Variants in RAPGEF6 observed in about 807,000 individuals in gnomAD.
RAPGEF6 encodes the protein PDZ domain containing guanine nucleotide exchange factor (GEF) 2.
RAPGEF6 carries 56 observed loss-of-function variants against 171.4 expected under a neutral mutation model. That is an observed-to-expected ratio of 0.33 (90% CI 0.26 to 0.41). RAPGEF6 has a LOEUF of 0.41. Ranked by LOEUF, RAPGEF6 falls within the 10% of genes least tolerant of loss-of-function variation. The pLI, the probability that RAPGEF6 is intolerant of heterozygous loss-of-function variation, is 1.00. For synonymous variants in RAPGEF6, 692 were observed against 650.1 expected, an observed-to-expected ratio of 1.06 and a Z score of -0.98; for missense variants, 1,674 against 1,921.4, an observed-to-expected ratio of 0.87 and a Z score of 2.41.
chr5:131,549,347 G>T (rs1760762435), intron 5 of RAPGEF6, among the ~76,000 whole-genome samples: 1 of 151,662 alleles, frequency 6.6e-6, no homozygotes, highest in Non-Finnish European at 1.5e-5. Context: ...AAATTTCCTA[G>T]GCACCCACCC....
intron 6 of RAPGEF6, 117 bp downstream of exon 6, chr5:131,547,930 C>A (rs965276087): frequency 2.8e-6 from 3 of 1,082,350 alleles, no homozygotes; most frequent in South Asian, 1.6e-5. Context: ...TATTTACCTG[C>A]CCCAAATTTT....
rs76886098 is a variant in RAPGEF6 at position 131,591,227 on chromosome 5, C to T, written c.281+1156G>A. Among the ~76,000 whole-genome samples, 148 of 152,222 alleles carry T rather than the reference C, an allele frequency of 9.7e-4. No individual in the cohort carries two copies. The East Asian group carries it at 0.015, about 16-fold the overall frequency. ...TCTTACTTTAAAAGCCTAGAAATTT[C>T]TTCTCAACATTTTGGGAAAAAAGTC... On this transcript the variant is annotated intron_variant, in intron 4 of 27. Coordinates refer to ENST00000509018, the MANE Select transcript of RAPGEF6 (RefSeq NM_016340.6).
intron 6 of RAPGEF6, among the ~76,000 whole-genome samples, chr5:131,533,990 C>T (rs900620511): frequency 2.0e-5 from 3 of 152,080 alleles, no homozygotes; most frequent in African/African-American, 7.2e-5. Context: ...TTAGATACTC[C>T]AACTAAGCTT....
chr5:131,463,528 G>C (rs2149836782), intron 18 of RAPGEF6: 1 of 257,424 alleles, frequency 3.9e-6, no homozygotes, highest in South Asian at 1.5e-4. Flanking sequence ...GCAGTGAGCT[G>C]AGATCGCGCC....
intron 25 of RAPGEF6, among the ~76,000 whole-genome samples, chr5:131,432,631 T>G (rs1209017728): frequency 6.7e-6 from 1 of 149,406 alleles, no homozygotes; most frequent in Non-Finnish European, 1.5e-5. Context: ...AGAGCGAGAC[T>G]CCGCCTTAAA....
At chr5:131,556,261 G>A (rs1761230825) in intron 5 of RAPGEF6, among the ~76,000 whole-genome samples, 1 of 152,154 alleles carries the variant, frequency 6.6e-6, no homozygotes, top group Non-Finnish European at 1.5e-5. Context: ...CCAACATGGT[G>A]AAACTCATCT....
intron 6 of RAPGEF6, among the ~76,000 whole-genome samples, chr5:131,544,394 C>T (rs978194052): frequency 3.3e-5 from 5 of 151,940 alleles, no homozygotes; most frequent in South Asian, 4.1e-4. Context: ...TTGATGCACA[C>T]GACAGGGAAA....
chr5:131,511,815 G>A (rs1303359192), intron 7 of RAPGEF6, among the ~76,000 whole-genome samples: 1 of 152,008 alleles, frequency 6.6e-6, no homozygotes, highest in Admixed American at 6.6e-5. Flanking sequence ...TCCTTCTTTT[G>A]AGGACTACCT....
chr5:131,628,227 CA>C (rs1342213230), intron 1 of RAPGEF6, among the ~76,000 whole-genome samples: 1 of 150,310 alleles, frequency 6.7e-6, no homozygotes, highest in African/African-American at 2.5e-5. Flanking sequence ...GTTGTGAATG[CA>C]AAGAAAAGGC....
intron 14 of RAPGEF6, among the ~76,000 whole-genome samples, chr5:131,492,324 C>T (rs188341982): frequency 6.6e-6 from 1 of 152,102 alleles, no homozygotes; most frequent in Non-Finnish European, 1.5e-5. Context: ...GATAGGCAGG[C>T]CCATTCAAAG....
intron 25 of RAPGEF6, 72 bp from the exon 26 acceptor site, chr5:131,431,421 T>C (rs1580813842): frequency 2.0e-6 from 3 of 1,499,136 alleles, no homozygotes; most frequent in Non-Finnish European, 2.7e-6. Flanking sequence ...CAAGTTATTA[T>C]TGCCTGTGAG....
At chr5:131,546,374 G>C (rs553262467) in intron 6 of RAPGEF6, among the ~76,000 whole-genome samples, 8 of 152,250 alleles carry the variant, frequency 5.3e-5, no homozygotes, top group African/African-American at 1.7e-4. Flanking sequence ...GGGATGCCGA[G>C]GTGTGCAGAT....
At chr5:131,454,270 T>C (rs1753322158) in intron 20 of RAPGEF6, among the ~76,000 whole-genome samples, 1 of 152,182 alleles carries the variant, frequency 6.6e-6, no homozygotes, top group Non-Finnish European at 1.5e-5. Context: ...TAAAGTGATT[T>C]TGGAATTCTA....
chr5:131,590,256 T>C (rs1045110875), intron 4 of RAPGEF6, among the ~76,000 whole-genome samples: 6 of 152,202 alleles, frequency 3.9e-5, no homozygotes, highest in Middle Eastern at 3.4e-3. Flanking sequence ...AAAAATTAGC[T>C]GGGTGTGGTG....
intron 4 of RAPGEF6, among the ~76,000 whole-genome samples, chr5:131,589,451 G>C (rs1386588762): frequency 6.6e-6 from 1 of 152,166 alleles, no homozygotes; most frequent in Non-Finnish European, 1.5e-5. Context: ...TTGGGGGAGA[G>C]GGTAAGAACT....
intron 23 of RAPGEF6, 96 bp from the exon 24 acceptor site, chr5:131,439,811 A>G (rs576035530): frequency 1.3e-6 from 2 of 1,505,574 alleles, no homozygotes; most frequent in African/African-American, 2.8e-5. Flanking sequence ...ATGATGCACA[A>G]TGGCTAGTGT....
intron 17 of RAPGEF6, among the ~76,000 whole-genome samples, chr5:131,469,385 GA>G (rs1434420086): frequency 2.6e-5 from 4 of 151,876 alleles, no homozygotes; most frequent in African/African-American, 7.3e-5. Flanking sequence ...TTTCAATGAA[GA>G]AAAAATTAAG....
intron 9 of RAPGEF6, 136 bp downstream of exon 9, chr5:131,507,935 A>G: frequency 2.4e-6 from 2 of 841,598 alleles, no homozygotes; most frequent in Non-Finnish European, 3.5e-6. Context: ...TAACTAACTC[A>G]AACTTGGCAT....
At chr5:131,573,233 C>T (rs756228953) in intron 4 of RAPGEF6, among the ~76,000 whole-genome samples, 2 of 152,154 alleles carry the variant, frequency 1.3e-5, no homozygotes, top group Non-Finnish European at 2.9e-5. Flanking sequence ...CCTCCTCACA[C>T]CTGGTCTGGC....
Sources: allele counts gnomAD v4.1 joint callset (sites outside exome capture counted in the v4.1 genomes callset), GRCh38; gene constraint gnomAD v4.1.1; transcripts MANE v1.5; gene names NCBI Gene and HGNC (gene_info 2026-07-23, HGNC 2026-07-21).